PAFAH2: variants seen among roughly 807,000 people sequenced by gnomAD.
PAFAH2 encodes the protein platelet activating factor acetylhydrolase 2, also known as platelet-activating factor acetylhydrolase 2, cytoplasmic.
PAFAH2 carries 42 observed loss-of-function variants against 49.0 expected under a neutral mutation model. The ratio of observed to expected loss-of-function variants is 0.86; its 90% CI spans 0.67 to 1.11. The LOEUF is 1.11. Ranked by LOEUF, PAFAH2 falls within the 50% of genes least tolerant of loss-of-function variation. PAFAH2 has a pLI of 0.00. For synonymous variants in PAFAH2, 184 were observed against 181.3 expected (o/e 1.01, Z -0.12); for missense variants, 503 against 501.8 (o/e 1.00, Z -0.02).
chr1:25,986,688 C>A lies in PAFAH2; in HGVS notation c.341+1543G>T, dbSNP rs146768947. ...GGGATTACAGGCATGCACCACCACA[C>A]CTGGCTAATTTCTTGTATTTTTAGT... On this transcript the variant is annotated intron_variant, in intron 4 of 10. Transcript: ENST00000374282. 9.9e-3 allele frequency among the ~76,000 whole-genome samples: 1,500 copies of A among 152,092 alleles called. 28 individuals carry two copies. The highest frequency in any genetic ancestry group is 0.034 in the African/African-American group (1,428 of 41,526).
At chr1:25,979,843 A>T (rs146543256) in intron 7 of PAFAH2, among the ~76,000 whole-genome samples, 3,533 of 152,130 alleles carry the variant, frequency 0.023, 127 homozygotes, top group African/African-American at 0.077. Context: ...CCAGGCTGGT[A>T]TCGAACTCCT....
chr1:25,974,093 G>C (rs1391421879), intron 9 of PAFAH2, among the ~76,000 whole-genome samples: 5 of 152,088 alleles, frequency 3.3e-5, no homozygotes, highest in Non-Finnish European at 5.9e-5. Flanking sequence ...CTCTAGAAAT[G>C]TGTCTGGTGA....
At chr1:25,987,469 C>T (rs1188444377) in intron 4 of PAFAH2, among the ~76,000 whole-genome samples, 6 of 151,214 alleles carry the variant, frequency 4.0e-5, no homozygotes, top group Non-Finnish European at 5.9e-5. Context: ...CAGTGGCTCA[C>T]GCCTGTAATC....
chr1:25,984,352 T>C, intron 5 of PAFAH2, 108 bp downstream of exon 5: 1 of 872,884 alleles, frequency 1.1e-6, no homozygotes, highest in Non-Finnish European at 1.8e-6. Context: ...AGTGGTATAA[T>C]GCTGGCTTGC....
At chr1:25,963,461 C>T (rs966221489) in intron 10 of PAFAH2, among the ~76,000 whole-genome samples, 15 of 151,976 alleles carry the variant, frequency 9.9e-5, no homozygotes, top group African/African-American at 3.4e-4. Flanking sequence ...TGGTGGTGGC[C>T]AGGGGTTGGA....
intron 1 of PAFAH2, among the ~76,000 whole-genome samples, chr1:25,996,351 C>T (rs757223472): frequency 1.1e-4 from 16 of 152,064 alleles, no homozygotes; most frequent in Non-Finnish European, 5.9e-5. Context: ...GGTGACAGAG[C>T]GAGGTCTTGT....
intron 1 of PAFAH2, among the ~76,000 whole-genome samples, chr1:25,991,312 C>T (rs1348310431): frequency 3.3e-5 from 5 of 151,832 alleles, no homozygotes; most frequent in Non-Finnish European, 5.9e-5. Context: ...GACGGAGTCT[C>T]GCTCTGTTGC....
chr1:25,969,622 C>A (rs752438713), intron 10 of PAFAH2, among the ~76,000 whole-genome samples: 3 of 152,200 alleles, frequency 2.0e-5, no homozygotes, highest in African/African-American at 7.2e-5. Flanking sequence ...TAGAATTACA[C>A]GCGATAAAGC....
intron 4 of PAFAH2, among the ~76,000 whole-genome samples, chr1:25,986,824 C>T (rs1169816064): frequency 6.6e-6 from 1 of 152,116 alleles, no homozygotes; most frequent in Admixed American, 6.5e-5. Flanking sequence ...AGCCACCGCG[C>T]TCGGCCAAAA....
At chr1:25,988,733 G>A (rs1250694460) in intron 3 of PAFAH2, among the ~76,000 whole-genome samples, 2 of 148,480 alleles carry the variant, frequency 1.3e-5, no homozygotes, top group Non-Finnish European at 3.0e-5. Flanking sequence ...CACCCTGGAG[G>A]CGAAGGTTGC....
intron 10 of PAFAH2, among the ~76,000 whole-genome samples, chr1:25,969,495 C>T (rs2049475276): frequency 2.0e-5 from 3 of 152,230 alleles, no homozygotes; most frequent in Admixed American, 6.5e-5. Flanking sequence ...TACATATTGG[C>T]TTTGCCACTT....
intron 4 of PAFAH2, among the ~76,000 whole-genome samples, chr1:25,985,796 T>C (rs983015302): frequency 2.6e-5 from 4 of 152,244 alleles, no homozygotes; most frequent in Admixed American, 2.6e-4. Context: ...CTTCCTGCCA[T>C]GGGCTACAGT....
In PAFAH2 at chr1:25,989,509, G is replaced by A. The variant is rs2049842062; in HGVS notation, c.183C>T (p.Gly61=). The part of the protein sequence containing the change: ...LWIPRYEYCT[G]LAEYLQFNKR... ...TATTAAACTGCAGGTACTCGGCCAG[G>A]CCAGTGCAGTACTCATAGCGGGGAA... The change falls in exon 3 of 11, where the codon GGC becomes GGT. Residue 61 remains glycine (G), a synonymous_variant. Coordinates refer to ENST00000374282, the MANE Select transcript of PAFAH2 (RefSeq NM_000437.4). The A allele has an allele frequency of 1.2e-6, 2 of 1,612,358 alleles. No individual in the cohort carries two copies. Among genetic ancestry groups the A allele is most frequent in the South Asian group, 1.1e-5 (1 of 90,682 alleles).
intron 6 of PAFAH2, 103 bp downstream of exon 6, chr1:25,983,843 T>G: frequency 7.7e-7 from 1 of 1,296,614 alleles, no homozygotes. Context: ...AGACCCACTA[T>G]GACTGACATT....
chr1:25,961,940 T>C lies in PAFAH2; in HGVS notation c.*49A>G, dbSNP rs2049343337. 7.0e-7 allele frequency: 1 copy of C among 1,434,530 alleles called. No homozygotes were observed. Among genetic ancestry groups the C allele is most frequent in the Non-Finnish European group, 9.8e-7 (1 of 1,019,212 alleles). 88.9% of individuals were successfully genotyped at this position (1,434,530 alleles called of 1,614,324 possible). A position where few individuals can be genotyped will look rare whatever the true frequency, so the allele number is the denominator to read the frequency against. ...GAGCTCATGGGTGCCCTTGGGTAGC[T>C]CCCAAATGAAAACTTGGCTGAAGTG... On this transcript the variant is annotated 3_prime_UTR_variant, in exon 11 of 11. Transcript: ENST00000374282.
chr1:25,983,874 AG>A, intron 6 of PAFAH2, 71 bp downstream of exon 6: 1 of 1,523,672 alleles, frequency 6.6e-7, no homozygotes, highest in Non-Finnish European at 9.0e-7. Flanking sequence ...GTTAACTAAA[AG>A]TCTTGCTATC....
chr1:25,994,652 C>G (rs2049915577), intron 1 of PAFAH2, among the ~76,000 whole-genome samples: 1 of 152,112 alleles, frequency 6.6e-6, no homozygotes, highest in African/African-American at 2.4e-5. Context: ...CTGAGTGAAT[C>G]TGGGGAGTCA....
intron 10 of PAFAH2, among the ~76,000 whole-genome samples, chr1:25,965,096 G>T (rs2049399616): frequency 6.6e-6 from 1 of 152,022 alleles, no homozygotes; most frequent in Admixed American, 6.6e-5. Flanking sequence ...AGAGAACCCA[G>T]AAATAAAGCC....
intron 10 of PAFAH2, among the ~76,000 whole-genome samples, chr1:25,966,044 A>G (rs1418362372): frequency 6.6e-6 from 1 of 152,078 alleles, no homozygotes; most frequent in Non-Finnish European, 1.5e-5. Flanking sequence ...ACTAACCGTC[A>G]GAGAAATGCA....
Sources: gnomAD v4.1 joint callset for allele counts (sites outside exome capture counted in the v4.1 genomes callset) on GRCh38, gnomAD v4.1.1 for gene constraint, MANE v1.5 for transcripts, NCBI Gene and HGNC (gene_info 2026-07-23, HGNC 2026-07-21) for gene names.